The following GALNT13 variants were observed in gnomAD, a reference collection of about 807,000 sequenced individuals.
GALNT13 encodes the protein UDP-GalNAc:polypeptide N-acetylgalactosaminyltransferase 13.
In GALNT13, 28 loss-of-function variants were observed where a neutral mutation model predicts 64.2. The observed-to-expected ratio is 0.44, with a 90% CI of 0.32 to 0.60. The LOEUF (loss-of-function observed/expected upper bound fraction) is 0.60, where lower values mean the gene tolerates loss of function less well. Among genes scored for constraint, GALNT13 ranks in the 20% least tolerant of loss-of-function variants. GALNT13 has a pLI of 0.05. For missense variants in GALNT13, 577 were observed against 669.8 expected, an observed-to-expected ratio of 0.86 and a Z score of 1.53; for synonymous variants, 214 against 224.6, an observed-to-expected ratio of 0.95 and a Z score of 0.42.
the GALNT13 span, among the ~76,000 whole-genome samples, chr2:153,514,413 T>C: frequency 6.6e-6 from 1 of 152,340 alleles, no homozygotes; most frequent in Admixed American, 6.5e-5. Context: ...TTACTCTTTT[T>C]GTTCCATTTG....
chr2:154,345,882 A>G (rs948773961), intron 9 of GALNT13, among the ~76,000 whole-genome samples: 1 of 152,138 alleles, frequency 6.6e-6, no homozygotes, highest in Non-Finnish European at 1.5e-5. Context: ...TCTCAAGAGA[A>G]TAAAAGCTAA....
At chr2:153,388,123 T>C in the GALNT13 span, among the ~76,000 whole-genome samples, 1 of 151,842 alleles carries the variant, frequency 6.6e-6, no homozygotes, top group Admixed American at 6.6e-5. Context: ...TAGACCCTAG[T>C]CTTTGCTTTC....
At chr2:153,277,530 T>C in the GALNT13 span, among the ~76,000 whole-genome samples, 4 of 152,188 alleles carry the variant, frequency 2.6e-5, no homozygotes, top group African/African-American at 9.6e-5. Context: ...ATGAATTTCT[T>C]TGGTAGAGTA....
intron 9 of GALNT13, among the ~76,000 whole-genome samples, chr2:154,366,498 T>C (rs1165541473): frequency 6.6e-6 from 1 of 152,146 alleles, no homozygotes; most frequent in Non-Finnish European, 1.5e-5. Context: ...GTAACAAGAT[T>C]GAGTAAACCA....
the GALNT13 span, among the ~76,000 whole-genome samples, chr2:153,215,135 T>A: frequency 0.011 from 1,639 of 152,202 alleles, 30 homozygotes; most frequent in African/African-American, 0.037. Flanking sequence ...TTTTAGATAA[T>A]TAATTGATTC....
the GALNT13 span, among the ~76,000 whole-genome samples, chr2:153,392,982 C>A: frequency 5.3e-5 from 8 of 151,956 alleles, no homozygotes; most frequent in Non-Finnish European, 8.8e-5. Context: ...AGAGAGTAAG[C>A]CCTCAGAAGA....
chr2:154,191,890 C>CT, intron 4 of GALNT13, among the ~76,000 whole-genome samples: 1 of 152,186 alleles, frequency 6.6e-6, no homozygotes, highest in Non-Finnish European at 1.5e-5. Flanking sequence ...GTTAGACCCC[C>CT]CGCCTTACAG....
chr2:154,107,473 C>T (rs1702685261), intron 3 of GALNT13, among the ~76,000 whole-genome samples: 1 of 151,408 alleles, frequency 6.6e-6, no homozygotes. Flanking sequence ...GCGTGTAGTC[C>T]CAGCTACTTG....
At position 153,872,043 on chromosome 2, in the gene GALNT13, G is replaced by GCGCTA. The variant is rs1558825998; in HGVS notation, c.-436_-432dup. The GCGCTA allele has an allele frequency of 6.6e-6, 1 of 152,254 alleles. No individual in the cohort carries two copies. Among genetic ancestry groups the GCGCTA allele is most frequent in the Non-Finnish European group, 1.5e-5 (1 of 68,152 alleles). The allele number at this position is 152,254 out of a possible 1,614,324, so 9.4% of individuals were successfully genotyped here. A position where few individuals can be genotyped will look rare whatever the true frequency, so the allele number is the denominator to read the frequency against. ...TCGAGGAGCCCTTCAGCCCGCCGCTGCGCTATGAAGGCCCCTCTCTGGGGC... is the reference window on the plus strand; with the variant it reads ...TCGAGGAGCCCTTCAGCCCGCCGCTGCGCTACGCTATGAAGGCCCCTCTCTGGGGC... On this transcript the variant is annotated 5_prime_UTR_variant, in exon 1 of 13. The change creates a new upstream start codon in the 5' untranslated region. Transcript: ENST00000392825.
chr2:153,435,061 T>A, the GALNT13 span, among the ~76,000 whole-genome samples: 1 of 152,238 alleles, frequency 6.6e-6, no homozygotes, highest in Admixed American at 6.5e-5. Flanking sequence ...TAGCCAGTTT[T>A]CTCAGCACCA....
At chr2:153,611,435 C>A in the GALNT13 span, among the ~76,000 whole-genome samples, 30 of 152,152 alleles carry the variant, frequency 2.0e-4, no homozygotes, top group African/African-American at 7.2e-4. Context: ...GTGGTGCAAT[C>A]TTGGCTCACT....
At chr2:153,517,988 GAC>G in the GALNT13 span, among the ~76,000 whole-genome samples, 12 of 152,092 alleles carry the variant, frequency 7.9e-5, no homozygotes, top group African/African-American at 2.9e-4. Flanking sequence ...CACTGAGCAG[GAC>G]ACAACATGAT....
the GALNT13 span, among the ~76,000 whole-genome samples, chr2:153,805,454 A>C: frequency 2.6e-5 from 4 of 152,132 alleles, no homozygotes; most frequent in African/African-American, 9.6e-5. Context: ...GTAAAAACTC[A>C]GTAAATTGTT....
chr2:153,710,091 G>A, the GALNT13 span, among the ~76,000 whole-genome samples: 1 of 151,974 alleles, frequency 6.6e-6, no homozygotes, highest in African/African-American at 2.4e-5. Flanking sequence ...TAATAATAGT[G>A]TATTATACAT....
At chr2:153,706,246 C>T in the GALNT13 span, among the ~76,000 whole-genome samples, 2 of 152,212 alleles carry the variant, frequency 1.3e-5, no homozygotes, top group South Asian at 2.1e-4. Flanking sequence ...CCACCCACCT[C>T]GGCCTTCCAA....
chr2:153,645,556 A>G, the GALNT13 span, among the ~76,000 whole-genome samples: 2 of 152,148 alleles, frequency 1.3e-5, no homozygotes, highest in East Asian at 3.8e-4. Context: ...TGACTCGTTA[A>G]GTCTATCATT....
chr2:153,150,989 T>A, the GALNT13 span, among the ~76,000 whole-genome samples: 4 of 151,886 alleles, frequency 2.6e-5, no homozygotes, highest in Non-Finnish European at 4.4e-5. Flanking sequence ...CTTTAGTTTT[T>A]TCCAATTCTG....
At chr2:153,925,501 T>TG (rs202118542) in intron 2 of GALNT13, among the ~76,000 whole-genome samples, 2,176 of 128,666 alleles carry the variant, frequency 0.017, 20 homozygotes, top group South Asian at 0.029. Context: ...CCTCGAGCTT[T>TG]TTTTTTTTTT....
At chr2:154,434,035 G>A (rs971466154) in intron 11 of GALNT13, among the ~76,000 whole-genome samples, 5 of 152,144 alleles carry the variant, frequency 3.3e-5, no homozygotes, top group Non-Finnish European at 7.4e-5. Context: ...AAGGAAGACC[G>A]TGTGAAGACA....
Sources: allele counts gnomAD v4.1 joint callset (sites outside exome capture counted in the v4.1 genomes callset), GRCh38; gene constraint gnomAD v4.1.1; transcripts MANE v1.5; gene names NCBI Gene and HGNC (gene_info 2026-07-23, HGNC 2026-07-21).